Variants in PPA2 observed in about 807,000 individuals in gnomAD.
PPA2 encodes inorganic pyrophosphatase 2, mitochondrial.
A neutral mutation model predicts 49.5 loss-of-function variants in PPA2; 48 were observed. The observed-to-expected ratio is 0.97, with a 90% confidence interval of 0.77 to 1.23. The LOEUF is 1.23. Ranked by LOEUF, PPA2 falls within the 50% of genes most tolerant of loss-of-function variation. The pLI is 0.00. For missense variants in PPA2, 429 were observed against 410.1 expected (o/e 1.05, Z -0.40); for synonymous variants, 131 against 139.9 (o/e 0.94, Z 0.45).
chr4:105,467,351 C>T (rs1410978774), intron 1 of PPA2, among the ~76,000 whole-genome samples: 1 of 152,200 alleles, frequency 6.6e-6, no homozygotes, highest in Non-Finnish European at 1.5e-5. Context: ...GAGGAAAGAA[C>T]ATACATGGCA....
chr4:105,405,678 T>C, intron 7 of PPA2: 1 of 972,208 alleles, frequency 1.0e-6, no homozygotes, highest in African/African-American at 1.7e-5. Flanking sequence ...GGAGGGGCAC[T>C]AAATTCGTGT....
intron 10 of PPA2, among the ~76,000 whole-genome samples, chr4:105,386,273 G>C (rs1027698414): frequency 6.6e-6 from 1 of 151,966 alleles, no homozygotes; most frequent in Non-Finnish European, 1.5e-5. Context: ...ACAGTACAGA[G>C]GAGAGCATAT....
intron 7 of PPA2, among the ~76,000 whole-genome samples, chr4:105,403,846 T>G (rs1279323885): frequency 6.6e-6 from 1 of 152,074 alleles, no homozygotes; most frequent in East Asian, 1.9e-4. Context: ...CCAAATTTCC[T>G]TTCCATATAA....
chr4:105,456,829 C>A, intron 1 of PPA2, 84 bp from the exon 2 acceptor site: 1 of 1,067,622 alleles, frequency 9.4e-7, no homozygotes, highest in South Asian at 2.2e-5. Flanking sequence ...ACATCCTTAT[C>A]CACTTTTAAA....
Position 105,385,268 on chromosome 4 carries a change from T to C in PPA2, c.939+1299A>G, listed in dbSNP as rs558614971. ...TCTCTGAAACGTTCATTATTTTACT[T>C]GCATATTTCCTTCTTATCCATCTCT... On this transcript the variant is annotated intron_variant, in intron 10 of 11. Transcript: ENST00000341695. Among the ~76,000 whole-genome samples the C allele has an allele frequency of 3.3e-5, 5 of 152,312 alleles. No homozygotes were observed. In the South Asian group the frequency reaches 1.0e-3, roughly 32 times the overall value.
intron 4 of PPA2, among the ~76,000 whole-genome samples, chr4:105,447,417 G>T (rs1722442058): frequency 6.6e-6 from 1 of 152,100 alleles, no homozygotes. Context: ...ATAGTCAAAG[G>T]ATACAAAATC....
intron 10 of PPA2, among the ~76,000 whole-genome samples, chr4:105,381,704 G>C (rs549795367): frequency 1.3e-5 from 2 of 152,030 alleles, no homozygotes; most frequent in Non-Finnish European, 2.9e-5. Context: ...TCTTATGCCT[G>C]TAGTTATGTC....
rs560157689 is a variant in PPA2, at chr4:105,459,708, C to T, written c.158-2963G>A. Among the ~76,000 whole-genome samples the T allele has an allele frequency of 6.6e-5, 10 of 152,296 alleles. No homozygotes were observed. In the South Asian group the frequency reaches 2.1e-3, roughly 32 times the overall value. ...AACTATGTTATACTCATATAGTGGT[C>T]TTTTAATCAATGTTTATTAATTATT... On this transcript the variant is annotated intron_variant, in intron 1 of 11. Coordinates refer to ENST00000341695, the MANE Select transcript of PPA2 (RefSeq NM_176869.3).
At position 105,453,630 on chromosome 4, in the gene PPA2, G is replaced by T. The variant is rs375043616; in HGVS notation, c.235C>A (p.Pro79Thr). Residue 79 changes from proline (P) to threonine (T), a missense_variant, in exon 3 of 12, where the codon CCT becomes ACT. By Grantham distance (38) the Pro-to-Thr change is conservative. Coordinates refer to ENST00000341695, the MANE Select transcript of PPA2 (RefSeq NM_176869.3). ...KVNSKEENGIPMKKARNDEYE... is the reference protein window; with the variant it reads ...KVNSKEENGITMKKARNDEYE... Reference sequence around the variant, plus strand: ...TCATCATTTCGTGCTTTCTTCATAGGAATGCCATTTTCCTATAAAAGAAAA... The same window carrying T: ...TCATCATTTCGTGCTTTCTTCATAGTAATGCCATTTTCCTATAAAAGAAAA... 1 of 1,606,040 alleles carries T rather than the reference G, an allele frequency of 6.2e-7. No homozygotes were observed. The highest frequency in any genetic ancestry group is 1.7e-5 in the Admixed American group (1 of 58,974).
chr4:105,370,788 A>G (rs1732991806), intron 11 of PPA2, 49 bp downstream of exon 11: 1 of 1,356,872 alleles, frequency 7.4e-7, no homozygotes, highest in Non-Finnish European at 9.6e-7. Context: ...ACTACTGTAA[A>G]CAAATAAATT....
At chr4:105,398,089 A>ACCC (rs1553925026) in intron 8 of PPA2, among the ~76,000 whole-genome samples, 1 of 151,728 alleles carries the variant, frequency 6.6e-6, no homozygotes, top group Non-Finnish European at 1.5e-5. Context: ...AACAAACAAA[A>ACCC]AAAAACTACC....
chr4:105,435,710 T>C (rs184249092), intron 6 of PPA2, among the ~76,000 whole-genome samples: 75 of 152,234 alleles, frequency 4.9e-4, no homozygotes, highest in Non-Finnish European at 7.6e-4. Flanking sequence ...AAAAACCACA[T>C]GATCATCTCA....
At chr4:105,428,728 T>C (rs115446289) in intron 6 of PPA2, among the ~76,000 whole-genome samples, 14,177 of 152,014 alleles carry the variant, frequency 0.093, 795 homozygotes, top group Non-Finnish European at 0.13. Context: ...AGGTGACTGG[T>C]TGATGAGTGC....
At position 105,417,480 on chromosome 4, in the gene PPA2, G is replaced by A. The variant is rs1179609476; in HGVS notation, c.655+6716C>T. Among the ~76,000 whole-genome samples, 3 of 150,774 alleles carry A rather than the reference G, an allele frequency of 2.0e-5. No homozygotes were observed. In the East Asian group the frequency reaches 5.9e-4, roughly 30 times the overall value. On this transcript the variant is annotated intron_variant, in intron 7 of 11. Transcript: ENST00000341695. ...AGAGGTTATGACTTTTCCGAGGTCA[G>A]ATAATTAATAAACAAAAAGAGGATT...
rs1278569079 is a variant in PPA2 at position 105,456,855 on chromosome 4, C to A, written c.158-110G>T. 3.7e-6 allele frequency: 3 copies of A among 821,366 alleles called. No individual in the cohort carries two copies. The East Asian group carries it at 9.2e-5, about 25-fold the overall frequency. 50.9% of individuals were successfully genotyped at this position (821,366 alleles called of 1,614,324 possible). On this transcript the variant is annotated intron_variant, in intron 1 of 11. Coordinates refer to ENST00000341695, the MANE Select transcript of PPA2 (RefSeq NM_176869.3). ...CACTTTTAAACTTACGCATTTTTTA[C>A]AAAGCTAACTTTAACTCCCAACTTA...
chr4:105,416,201 T>C (rs1046119616), intron 7 of PPA2, among the ~76,000 whole-genome samples: 7 of 152,196 alleles, frequency 4.6e-5, no homozygotes, highest in Non-Finnish European at 8.8e-5. Flanking sequence ...CTTCCACAAA[T>C]GTTAGGACGA....
chr4:105,399,579 G>A (rs1046849025), intron 7 of PPA2: 5 of 154,070 alleles, frequency 3.2e-5, no homozygotes, highest in African/African-American at 1.2e-4. Flanking sequence ...GTAAAAGAAA[G>A]CATTATAAAA....
At chr4:105,424,953 A>G (rs1723425563) in intron 6 of PPA2, among the ~76,000 whole-genome samples, 1 of 152,204 alleles carries the variant, frequency 6.6e-6, no homozygotes, top group Non-Finnish European at 1.5e-5. Flanking sequence ...ATGAGTTCCA[A>G]CCACCCAGGA....
intron 1 of PPA2, among the ~76,000 whole-genome samples, chr4:105,469,850 T>A (rs949512801): frequency 6.6e-6 from 1 of 152,230 alleles, no homozygotes; most frequent in Non-Finnish European, 1.5e-5. Context: ...CTCAAACAAA[T>A]TTTGTGGATT....
Sources: allele counts gnomAD v4.1 joint callset (sites outside exome capture counted in the v4.1 genomes callset), GRCh38; gene constraint gnomAD v4.1.1; transcripts MANE v1.5; gene names NCBI Gene and HGNC (gene_info 2026-07-23, HGNC 2026-07-21).